Variants in ANKRD33B observed in about 807,000 individuals in gnomAD.
ANKRD33B encodes the protein ankyrin repeat domain-containing protein 33B.
Under a neutral mutation model 21.5 loss-of-function variants are expected in ANKRD33B, and 6 were observed. That is an observed-to-expected ratio of 0.28 (90% confidence interval 0.15 to 0.55). ANKRD33B has a LOEUF of 0.55. Among genes scored for constraint, ANKRD33B ranks in the 20% least tolerant of loss-of-function variants. The probability of loss-of-function intolerance (pLI) is 0.94; values close to 1 mark genes in which losing one functional copy is unlikely to be tolerated. For synonymous variants in ANKRD33B, 347 were observed against 342.4 expected, an observed-to-expected ratio of 1.01 and a Z score of -0.15; for missense variants, 698 against 747.2, an observed-to-expected ratio of 0.93 and a Z score of 0.77.
At chr5:10,638,200 G>A in intron 3 of ANKRD33B, 32 bp downstream of exon 3, 1 of 1,531,280 alleles carries the variant, frequency 6.5e-7, no homozygotes, top group Non-Finnish European at 8.7e-7. Context: ...AGCTTCCAGG[G>A]GCCCTGGGAC....
At chr5:10,579,158 G>GT (rs1239062493) in intron 1 of ANKRD33B, among the ~76,000 whole-genome samples, 1 of 108,048 alleles carries the variant, frequency 9.3e-6, no homozygotes, top group African/African-American at 4.5e-5. Context: ...AAGTGATACT[G>GT]TGTCTCAAAA....
intron 1 of ANKRD33B, among the ~76,000 whole-genome samples, chr5:10,567,161 T>C (rs1735080714): frequency 6.6e-6 from 1 of 152,186 alleles, no homozygotes; most frequent in Non-Finnish European, 1.5e-5. Flanking sequence ...GCAGGGCTTG[T>C]GTTCTGTGCT....
intron 3 of ANKRD33B, among the ~76,000 whole-genome samples, 155 bp from the exon 4 acceptor site, chr5:10,649,111 A>G (rs1737256999): frequency 6.8e-6 from 1 of 146,760 alleles, no homozygotes; most frequent in South Asian, 2.3e-4. Flanking sequence ...TCAGATGAGC[A>G]CAGGGTTCGC....
chr5:10,600,459 C>T (rs1735905493), intron 1 of ANKRD33B, among the ~76,000 whole-genome samples: 2 of 152,226 alleles, frequency 1.3e-5, no homozygotes, highest in South Asian at 2.1e-4. Flanking sequence ...ATGTAATATG[C>T]ATGAGATCCA....
chr5:10,591,736 G>C (rs1735697214), intron 1 of ANKRD33B, among the ~76,000 whole-genome samples: 1 of 151,268 alleles, frequency 6.6e-6, no homozygotes. Flanking sequence ...GCTATTTTTT[G>C]GTTTTTCTAC....
At chr5:10,612,934 C>G (rs946690184) in intron 1 of ANKRD33B, among the ~76,000 whole-genome samples, 2 of 152,202 alleles carry the variant, frequency 1.3e-5, no homozygotes, top group Non-Finnish European at 2.9e-5. Flanking sequence ...CTCCCCCGAC[C>G]TATTGCTGGT....
intron 2 of ANKRD33B, among the ~76,000 whole-genome samples, chr5:10,618,762 C>T (rs530982938): frequency 7.9e-5 from 12 of 152,286 alleles, no homozygotes; most frequent in East Asian, 7.7e-4. Flanking sequence ...ATCCTGCTCC[C>T]GAAGACTGGG....
At chr5:10,599,855 G>C (rs999433104) in intron 1 of ANKRD33B, among the ~76,000 whole-genome samples, 1 of 152,206 alleles carries the variant, frequency 6.6e-6, no homozygotes, top group Non-Finnish European at 1.5e-5. Flanking sequence ...ACCTAGGAGT[G>C]GAATTACTGG....
At chr5:10,606,393 AAC>A (rs1366971814) in intron 1 of ANKRD33B, among the ~76,000 whole-genome samples, 1 of 152,078 alleles carries the variant, frequency 6.6e-6, no homozygotes, top group African/African-American at 2.4e-5. Context: ...CTTTATTTAA[AAC>A]AGTTTATTAG....
chr5:10,616,342 A>T (rs935155034), intron 1 of ANKRD33B, among the ~76,000 whole-genome samples: 6 of 152,090 alleles, frequency 3.9e-5, no homozygotes, highest in Admixed American at 2.6e-4. Context: ...TGAGGTGGGT[A>T]GATCACGAGG....
Position 10,644,964 on chromosome 5 carries a change from C to T in ANKRD33B, c.638-4302C>T, listed in dbSNP as rs142724397. ...GTTCCTCTTGTGGGCAGCTGGGACT[C>T]AGACCCCCTGGACCCTCCACTATGA... is the stretch of plus-strand genomic sequence containing the variant. On this transcript the variant is annotated intron_variant, in intron 3 of 3. Coordinates refer to ENST00000296657, the MANE Select transcript of ANKRD33B (RefSeq NM_001164440.2). Among the ~76,000 whole-genome samples, 13 of 152,312 alleles carry T rather than the reference C, an allele frequency of 8.5e-5. No homozygotes were observed. In the East Asian group the frequency reaches 2.5e-3, roughly 29 times the overall value.
At chr5:10,642,149 G>A (rs2062201) in intron 3 of ANKRD33B, among the ~76,000 whole-genome samples, 63,775 of 151,900 alleles carry the variant, frequency 0.42, 13,668 homozygotes, top group Middle Eastern at 0.56. Context: ...CCCTCTAATC[G>A]CTCCGTTTGA....
At chr5:10,594,820 G>A (rs1430449333) in intron 1 of ANKRD33B, among the ~76,000 whole-genome samples, 1 of 152,208 alleles carries the variant, frequency 6.6e-6, no homozygotes, top group East Asian at 1.9e-4. Context: ...GTCCTTCGGG[G>A]AAAGTGGGAG....
chr5:10,612,990 G>A (rs1040107000), intron 1 of ANKRD33B, among the ~76,000 whole-genome samples: 1 of 152,202 alleles, frequency 6.6e-6, no homozygotes, highest in Non-Finnish European at 1.5e-5. Context: ...TATCTGAAAT[G>A]TACTCTCTTC....
chr5:10,632,929 AG>A (rs1430677334), intron 2 of ANKRD33B, among the ~76,000 whole-genome samples: 9 of 151,998 alleles, frequency 5.9e-5, no homozygotes, highest in African/African-American at 2.2e-4. Context: ...CTGGGATTAC[AG>A]GCACCCGCCA....
At chr5:10,582,656 C>T (rs1306451097) in intron 1 of ANKRD33B, among the ~76,000 whole-genome samples, 5 of 152,344 alleles carry the variant, frequency 3.3e-5, no homozygotes, top group East Asian at 3.9e-4. Flanking sequence ...CCCAGCTGTG[C>T]GCTGTGCTGC....
intron 1 of ANKRD33B, among the ~76,000 whole-genome samples, chr5:10,577,629 G>T (rs1735353459): frequency 6.6e-6 from 1 of 152,192 alleles, no homozygotes; most frequent in Admixed American, 6.5e-5. Context: ...TAGCGGGAGG[G>T]TCAGTCTGTA....
rs1340172938 is a variant in ANKRD33B at position 10,632,129 on chromosome 5, A to G, written c.497-5899A>G. On this transcript the variant is annotated intron_variant, in intron 2 of 3. Transcript: ENST00000296657. ...CCCTTGGGCAGGAGGGGGTCGGTTCAGTCCGTTGGATGGCTCAGGATTTCA... is the reference window on the plus strand; with the variant it reads ...CCCTTGGGCAGGAGGGGGTCGGTTCGGTCCGTTGGATGGCTCAGGATTTCA... 4.0e-5 allele frequency among the ~76,000 whole-genome samples: 6 copies of G among 151,434 alleles called. No individual in the cohort carries two copies. The East Asian group carries it at 1.2e-3, about 29-fold the overall frequency.
chr5:10,647,250 GC>G (rs879369602), intron 3 of ANKRD33B, among the ~76,000 whole-genome samples: 8 of 151,550 alleles, frequency 5.3e-5, no homozygotes, highest in Non-Finnish European at 1.0e-4. Context: ...GATTACAGGT[GC>G]CTGCCACCAC....
Sources: gnomAD v4.1 joint callset for allele counts (sites outside exome capture counted in the v4.1 genomes callset) on GRCh38, gnomAD v4.1.1 for gene constraint, MANE v1.5 for transcripts, NCBI Gene and HGNC (gene_info 2026-07-23, HGNC 2026-07-21) for gene names.